The following GPR162 variants were observed in gnomAD, a reference collection of about 807,000 sequenced individuals.
GPR162 encodes the protein probable G protein-coupled receptor 162.
A neutral mutation model predicts 44.9 loss-of-function variants in GPR162; 26 were observed. The ratio of observed to expected loss-of-function variants is 0.58; its 90% confidence interval spans 0.42 to 0.80. GPR162 has a LOEUF of 0.80. Ranked by LOEUF, GPR162 falls within the 30% of genes least tolerant of loss-of-function variation. The pLI is 0.00. For synonymous variants in GPR162, 363 were observed against 335.2 expected, an observed-to-expected ratio of 1.08 and a Z score of -0.91; for missense variants, 704 against 802.3, an observed-to-expected ratio of 0.88 and a Z score of 1.48.
In GPR162 at chr12:6,826,232, G is replaced by GCAT. The variant is rs782119686; in HGVS notation, c.1096_1097insTCA (p.Cys365_Lys366insIle). The GCAT allele has an allele frequency of 6.2e-7, 1 of 1,614,054 alleles. No individual in the cohort carries two copies. The highest frequency in any genetic ancestry group is 1.3e-5 in the African/African-American group (1 of 75,046). On this transcript the variant is annotated inframe_insertion, in exon 4 of 5. Transcript: ENST00000311268. Reference sequence around the variant, plus strand: ...GACGACTATGCAGAGGGCCGAGTTTGCAAAGTTCGCTTTGATGCTAACGGA... The same window carrying GCAT: ...GACGACTATGCAGAGGGCCGAGTTTGCATCAAAGTTCGCTTTGATGCTAACGGA...
At position 6,824,339 on chromosome 12, in the gene GPR162, C is replaced by T. The variant is rs370736280; in HGVS notation, c.441C>T (p.Ile147=). Residue 147 remains isoleucine, a synonymous_variant, in exon 2 of 5, where the codon ATC becomes ATT. Coordinates refer to ENST00000311268, the MANE Select transcript of GPR162 (RefSeq NM_019858.2). The part of the protein sequence containing the change: ...AVMGIWMVSF[I]LSTLPSIGWH... ...TGGGCATCTGGATGGTCAGCTTCAT[C>T]CTCTCCACACTGCCCTCCATTGGCT... is the stretch of plus-strand genomic sequence containing the variant. 1.2e-6 allele frequency: 2 copies of T among 1,614,120 alleles called. No homozygotes were observed. The highest frequency in any genetic ancestry group is 1.7e-6 in the Non-Finnish European group (2 of 1,180,004).
intron 4 of GPR162, 45 bp from the exon 5 acceptor site, chr12:6,826,608 T>C: frequency 1.3e-6 from 2 of 1,484,660 alleles, no homozygotes; most frequent in Non-Finnish European, 9.0e-7. Flanking sequence ...TGCCTCTGCC[T>C]CTGTCCCTGC....
Position 6,826,219 on chromosome 12 carries a change from G to T in GPR162, c.1081G>T (p.Glu361Ter). The part of the protein sequence containing the change: ...DDDGGCDDYA[E>*]GRVCKVRFDA... ...AGATGGGGGCTGTGACGACTATGCA[G>T]AGGGCCGAGTTTGCAAAGTTCGCTT... Residue 361 changes from glutamate (E) to a stop codon, truncating the protein, a stop_gained, in exon 4 of 5, where the codon GAG becomes TAG. Coordinates refer to ENST00000311268, the MANE Select transcript of GPR162 (RefSeq NM_019858.2). LOFTEE classifies it high-confidence loss of function. 6.2e-7 allele frequency: 1 copy of T among 1,614,004 alleles called. No individual in the cohort carries two copies.
chr12:6,823,792 C>T lies in GPR162; in HGVS notation c.-107C>T. 6.2e-7 allele frequency: 1 copy of T among 1,612,516 alleles called. No individual in the cohort carries two copies. Among genetic ancestry groups the T allele is most frequent in the South Asian group, 1.1e-5 (1 of 90,892 alleles). On this transcript the variant is annotated 5_prime_UTR_variant, in exon 2 of 5. Coordinates refer to ENST00000311268, the MANE Select transcript of GPR162 (RefSeq NM_019858.2). ...AGCCTGGGGGCAGCCTGCCTGCTGA[C>T]AGGGCGAGGATTGTGGGGATCATGG...
chr12:6,827,030 G>A lies in GPR162; in HGVS notation c.1593G>A (p.Leu531=). 2.5e-6 allele frequency: 4 copies of A among 1,613,350 alleles called. No individual in the cohort carries two copies. The highest frequency in any genetic ancestry group is 3.4e-6 in the Non-Finnish European group (4 of 1,180,026). The change falls in exon 5 of 5, where the codon CTG becomes CTA. Residue 531 remains leucine (L), a synonymous_variant. Transcript: ENST00000311268. ...PGHSPRRPRP[L]GLSPRRLSLG... Reference sequence around the variant, plus strand: ...ACTCTCCTCGTCGGCCCCGGCCACTGGGCCTCTCACCCCGCCGACTCTCCC... The same window carrying A: ...ACTCTCCTCGTCGGCCCCGGCCACTAGGCCTCTCACCCCGCCGACTCTCCC...
rs1943295070 is a variant in GPR162, at chr12:6,822,399, G to GTTTCCAT, written c.-432+499_-432+500insTTTCCAT. Reference sequence around the variant, plus strand: ...GGTGGGGGTGGACCAGGACCTCTTGGGGAAAGCAAGGGTCTGAGCTGCTTC... The same window carrying GTTTCCAT: ...GGTGGGGGTGGACCAGGACCTCTTGGTTTCCATGGAAAGCAAGGGTCTGAGCTGCTTC... On this transcript the variant is annotated intron_variant, in intron 1 of 4. Transcript: ENST00000311268. This position sits in a 1 kb window ranked among gnomAD's most constrained non-coding sequence, Gnocchi z 4.2. Among the ~76,000 whole-genome samples the GTTTCCAT allele has an allele frequency of 6.6e-6, 1 of 152,148 alleles. No homozygotes were observed. Among genetic ancestry groups the GTTTCCAT allele is most frequent in the Non-Finnish European group, 1.5e-5 (1 of 68,010 alleles).
At position 6,825,475 on chromosome 12, in the gene GPR162, C is replaced by T. The variant is rs1555119851; in HGVS notation, c.868-9C>T. On this transcript the variant is annotated splice_polypyrimidine_tract_variant and intron_variant, in intron 2 of 4. Coordinates refer to ENST00000311268, the MANE Select transcript of GPR162 (RefSeq NM_019858.2). ...GGCCCTGACCCAGCCCGCTCCCACC[C>T]TTCCCCAGGTGGTGAGCTTCTTCTC... 6.3e-7 allele frequency: 1 copy of T among 1,595,332 alleles called. No individual in the cohort carries two copies. The highest frequency in any genetic ancestry group is 1.3e-5 in the African/African-American group (1 of 74,400).
chr12:6,826,546 G>A lies in GPR162; in HGVS notation c.1216-107G>A, dbSNP rs556484028. The A allele has an allele frequency of 4.0e-4, 473 of 1,183,840 alleles. 5 individuals are homozygous for A. The highest frequency in any genetic ancestry group is 3.3e-3 in the South Asian group (216 of 66,450). 73.3% of individuals were successfully genotyped at this position (1,183,840 alleles called of 1,614,324 possible). A position where few individuals can be genotyped will look rare whatever the true frequency, so the allele number is the denominator to read the frequency against. On this transcript the variant is annotated intron_variant, in intron 4 of 4. Coordinates refer to ENST00000311268, the MANE Select transcript of GPR162 (RefSeq NM_019858.2). Reference sequence around the variant, plus strand: ...GCCAGGTTTGCCCACCGGAGCAAACGTTTTGAAGGTTAAGAAGGTGGCACC... The same window carrying A: ...GCCAGGTTTGCCCACCGGAGCAAACATTTTGAAGGTTAAGAAGGTGGCACC...
chr12:6,826,203 C>T lies in GPR162; in HGVS notation c.1065C>T (p.Gly355=), dbSNP rs782453108. 2 of 1,613,322 alleles carry T rather than the reference C, an allele frequency of 1.2e-6. No individual in the cohort carries two copies. The highest frequency in any genetic ancestry group is 1.1e-5 in the South Asian group (1 of 91,038). Residue 355 remains glycine (G), a synonymous_variant, in exon 4 of 5, where the codon GGC becomes GGT. Transcript: ENST00000311268. ...GCCCATTTTCTCTCCTAGATGGGGGCTGTGACGACTATGCAGAGGGCCGAG... is the reference window on the plus strand; with the variant it reads ...GCCCATTTTCTCTCCTAGATGGGGGTTGTGACGACTATGCAGAGGGCCGAG... ...MSEEDGDDDG[G]CDDYAEGRVC... is the part of the protein sequence containing the mutation.
At position 6,826,332 on chromosome 12, in the gene GPR162, T is replaced by TGA; in HGVS notation, c.1200_1201dup (p.Val401GlufsTer155). On this transcript the variant is annotated frameshift_variant, in exon 4 of 5. Coordinates refer to ENST00000311268, the MANE Select transcript of GPR162 (RefSeq NM_019858.2). LOFTEE classifies it high-confidence loss of function. ...GAAGGCACATGCTCTTCCCTCCTCT[T>TGA]GAGAGAGTCCACTACTTACAGGTAT... The TGA allele has an allele frequency of 6.2e-7, 1 of 1,613,176 alleles. No homozygotes were observed. The highest frequency in any genetic ancestry group is 8.5e-7 in the Non-Finnish European group (1 of 1,179,678).
rs782492246 is a variant in GPR162, at chr12:6,827,138, A to C, written c.1701A>C (p.Glu567Asp). 1 of 1,613,248 alleles carries C rather than the reference A, an allele frequency of 6.2e-7. No homozygotes were observed. Among genetic ancestry groups the C allele is most frequent in the African/African-American group, 1.3e-5 (1 of 75,052 alleles). ...GRRCSLTGGEESARAWGGSWG... is the reference protein window; with the variant it reads ...GRRCSLTGGEDSARAWGGSWG... ...GCTGCTCCCTGACGGGGGGTGAAGA[A>C]AGTGCAAGGGCTTGGGGAGGATCCT... Residue 567 changes from glutamate to aspartate, a missense_variant, in exon 5 of 5, where the codon GAA becomes GAC. By Grantham distance (45) the Glu-to-Asp change is conservative (BLOSUM62 2). Coordinates refer to ENST00000311268, the MANE Select transcript of GPR162 (RefSeq NM_019858.2).
chr12:6,826,338 A>G lies in GPR162; in HGVS notation c.1200A>G (p.Arg400=), dbSNP rs147692629. ...ACATGCTCTTCCCTCCTCTTGAGAG[A>G]GTCCACTACTTACAGGTATGGAACT... is the stretch of plus-strand genomic sequence containing the variant. ...GRHMLFPPLE[R]VHYLQVPLSR... is the part of the protein sequence containing the mutation. Residue 400 remains arginine, a synonymous_variant, in exon 4 of 5, where the codon AGA becomes AGG. Transcript: ENST00000311268. 5 of 1,613,056 alleles carry G rather than the reference A, an allele frequency of 3.1e-6. No individual in the cohort carries two copies. The highest frequency in any genetic ancestry group is 2.2e-5 in the East Asian group (1 of 44,852).
chr12:6,826,095 A>T, intron 3 of GPR162, 101 bp from the exon 4 acceptor site: 1 of 845,040 alleles, frequency 1.2e-6, no homozygotes, highest in Non-Finnish European at 1.9e-6. Context: ...CATACATGCT[A>T]ATGGGAACTA....
At position 6,827,320 on chromosome 12, in the gene GPR162, C is replaced by G; in HGVS notation, c.*116C>G. On this transcript the variant is annotated 3_prime_UTR_variant, in exon 5 of 5. Coordinates refer to ENST00000311268, the MANE Select transcript of GPR162 (RefSeq NM_019858.2). ...GGGGAGACGGGCGCTAGATTTGGGG[C>G]TCAGAAGGCCCTGCTCTCTCCCATC... 2.5e-6 allele frequency: 2 copies of G among 805,756 alleles called. No individual in the cohort carries two copies. The highest frequency in any genetic ancestry group is 5.8e-5 in the Admixed American group (2 of 34,696). 49.9% of individuals were successfully genotyped at this position (805,756 alleles called of 1,614,324 possible). A position where few individuals can be genotyped will look rare whatever the true frequency, so the allele number is the denominator to read the frequency against.
Position 6,826,695 on chromosome 12 carries a change from T to A in GPR162, c.1258T>A (p.Phe420Ile). 6.5e-7 allele frequency: 1 copy of A among 1,535,766 alleles called. No individual in the cohort carries two copies. Among genetic ancestry groups the A allele is most frequent in the Non-Finnish European group, 8.7e-7 (1 of 1,144,960 alleles). The change falls in exon 5 of 5, where the codon TTC becomes ATC. Residue 420 changes from phenylalanine to isoleucine, a missense_variant. Physicochemically the swap from Phe to Ile is conservative, Grantham distance 21. Around this residue, in one of 6 missense-constraint regions of GPR162, gnomAD observed 404 missense variants for 314.1 expected, o/e 1.29. Coordinates refer to ENST00000311268, the MANE Select transcript of GPR162 (RefSeq NM_019858.2). ...RRLSHDETNIFSTPREPGSFL... is the reference protein window; with the variant it reads ...RRLSHDETNIISTPREPGSFL... ...TCTGTCCCATGATGAGACAAACATC[T>A]TCTCTACCCCTCGGGAACCAGGCTC...
rs782513707 is a variant in GPR162, at chr12:6,827,200, T to C, written c.1763T>C (p.Leu588Pro). ...AACCCCATCTTTCCCCAGCTGACCC[T>C]GTGAGCCCAAGCAGGCCTGCTGAAC... is the stretch of plus-strand genomic sequence containing the variant. ...PGNPIFPQLT[L>P] Residue 588 changes from leucine to proline, a missense_variant, in exon 5 of 5, where the codon CTG (leucine) becomes CCG (proline). Leu to Pro is a moderately conservative substitution (Grantham distance 98). Coordinates refer to ENST00000311268, the MANE Select transcript of GPR162 (RefSeq NM_019858.2). The C allele has an allele frequency of 1.2e-6, 2 of 1,602,714 alleles. No homozygotes were observed. Among genetic ancestry groups the C allele is most frequent in the East Asian group, 2.2e-5 (1 of 44,666 alleles).
At chr12:6,824,845 C>A in intron 2 of GPR162, 80 bp downstream of exon 2, 1 of 1,077,722 alleles carries the variant, frequency 9.3e-7, no homozygotes, top group Non-Finnish European at 1.4e-6. Context: ...CTTCATCAGC[C>A]ATACAGCAGC....
rs1209738640 is a variant in GPR162 at position 6,826,848 on chromosome 12, G to A, written c.1411G>A (p.Ala471Thr). ...RLEDEEDEEE[A>T]EGGGLASLRQ... ...GGAGGACGAGGAGGACGAGGAAGAG[G>A]CTGAAGGTGGGGGGCTGGCCAGCCT... The change falls in exon 5 of 5, where the codon GCT (alanine) becomes ACT (threonine). Residue 471 changes from alanine to threonine, a missense_variant. By Grantham distance (58) the Ala-to-Thr change is moderately conservative. Around this residue, in one of 6 missense-constraint regions of GPR162, gnomAD observed 404 missense variants for 314.1 expected, o/e 1.29. Coordinates refer to ENST00000311268, the MANE Select transcript of GPR162 (RefSeq NM_019858.2). The A allele has an allele frequency of 6.8e-6, 11 of 1,612,198 alleles. No homozygotes were observed. The highest frequency in any genetic ancestry group is 9.3e-6 in the Non-Finnish European group (11 of 1,179,096).
At position 6,823,908 on chromosome 12, in the gene GPR162, G is replaced by A. The variant is rs1943316046; in HGVS notation, c.10G>A (p.Gly4Ser). Residue 4 changes from glycine to serine, a missense_variant, in exon 2 of 5, where the codon GGC becomes AGC. Around this residue, in one of 6 missense-constraint regions of GPR162, gnomAD observed 30 missense variants for 31.8 expected, o/e 0.94. Transcript: ENST00000311268. ...GGGGGCTGAGGATAGGATGGCTCGG[G>A]GCGGGGCGGGGGCAGAGGAGGCCTC... MAR[G>S]GAGAEEASLR... 1 of 1,559,820 alleles carries A rather than the reference G, an allele frequency of 6.4e-7. No homozygotes were observed. The highest frequency in any genetic ancestry group is 1.3e-5 in the African/African-American group (1 of 74,280).
Sources: allele counts gnomAD v4.1 joint callset (sites outside exome capture counted in the v4.1 genomes callset), GRCh38; gene constraint gnomAD v4.1.1; regional missense constraint gnomAD v4.1.1; non-coding constraint Gnocchi (gnomAD v3.1); transcripts MANE v1.5; gene names NCBI Gene and HGNC (gene_info 2026-07-23, HGNC 2026-07-21).